The following TTC33 variants were observed in gnomAD, a reference collection of about 807,000 sequenced individuals.
The protein encoded by TTC33 is tetratricopeptide repeat protein 33.
A neutral mutation model predicts 29.4 loss-of-function variants in TTC33; 24 were observed. That is an observed-to-expected ratio of 0.82 (90% CI 0.59 to 1.15). The LOEUF (loss-of-function observed/expected upper bound fraction) is 1.15. Among genes scored for constraint, TTC33 ranks in the 50% most tolerant of loss-of-function variants. TTC33 has a pLI of 0.00. For missense variants in TTC33, 286 were observed against 310.4 expected (o/e 0.92, Z 0.59); for synonymous variants, 107 against 100.3 (o/e 1.07, Z -0.40).
chr5:40,716,510 G>T lies in TTC33; in HGVS notation c.436-12C>A. The T allele has an allele frequency of 6.4e-7, 1 of 1,557,668 alleles. No individual in the cohort carries two copies. ...AAACTTCGAATTGCCTAGAAAATAA[G>T]GTCAGAGTTTTTTGTTTTGGTTTTA... On this transcript the variant is annotated splice_polypyrimidine_tract_variant and intron_variant, in intron 4 of 4. Transcript: ENST00000337702.
At chr5:40,755,290 A>G (rs929570837) in intron 1 of TTC33, among the ~76,000 whole-genome samples, 2 of 152,232 alleles carry the variant, frequency 1.3e-5, no homozygotes, top group Non-Finnish European at 2.9e-5. Context: ...AAATCACAAC[A>G]GCATCCTTCT....
rs988658150 is a variant in TTC33 at position 40,724,940 on chromosome 5, C to T, written c.435+3405G>A. ...CGATCTCAGCTCACTGCAACCTCCA[C>T]CTGCCAGGTTCAAGATATTCTCCTG... is the stretch of plus-strand genomic sequence containing the variant. On this transcript the variant is annotated intron_variant, in intron 4 of 4. Coordinates refer to ENST00000337702, the MANE Select transcript of TTC33 (RefSeq NM_012382.3). Among the ~76,000 whole-genome samples, 2 of 151,302 alleles carry T rather than the reference C, an allele frequency of 1.3e-5. 1 individual carries two copies.
chr5:40,738,819 T>C (rs534994199), intron 2 of TTC33, among the ~76,000 whole-genome samples: 3 of 152,278 alleles, frequency 2.0e-5, no homozygotes, highest in South Asian at 4.1e-4. Context: ...CAGCTTTTTT[T>C]ATGCTTCTTG....
chr5:40,742,260 C>T (rs1426185955), intron 2 of TTC33, among the ~76,000 whole-genome samples: 1 of 151,934 alleles, frequency 6.6e-6, no homozygotes, highest in Non-Finnish European at 1.5e-5. Flanking sequence ...CCCCATGAGG[C>T]AATTGCAAGT....
chr5:40,730,125 G>GT, intron 3 of TTC33, 137 bp downstream of exon 3: 1 of 627,536 alleles, frequency 1.6e-6, no homozygotes, highest in South Asian at 2.3e-5. Flanking sequence ...ATAAATAATG[G>GT]TGAAATATTT....
intron 2 of TTC33, among the ~76,000 whole-genome samples, chr5:40,736,895 T>C (rs1305949991): frequency 6.6e-6 from 1 of 152,196 alleles, no homozygotes; most frequent in Non-Finnish European, 1.5e-5. Context: ...ATACTCACTA[T>C]ACCATCTCTA....
At chr5:40,728,281 C>CA (rs70988805) in intron 4 of TTC33, 64 bp downstream of exon 4, 473 of 317,806 alleles carry the variant, frequency 1.5e-3, no homozygotes, top group African/African-American at 0.014. Flanking sequence ...GACTCCATCT[C>CA]AAAAAAAAAA....
intron 4 of TTC33, among the ~76,000 whole-genome samples, chr5:40,722,673 C>T (rs6869273): frequency 0.015 from 2,321 of 152,050 alleles, 65 homozygotes; most frequent in African/African-American, 0.053. Flanking sequence ...CGCCCCACAG[C>T]CGCCCAGTCT....
At chr5:40,740,040 G>A (rs149848408) in intron 2 of TTC33, among the ~76,000 whole-genome samples, 2 of 151,878 alleles carry the variant, frequency 1.3e-5, no homozygotes, top group Non-Finnish European at 2.9e-5. Flanking sequence ...TAGGGTCTAG[G>A]TTTGAATACA....
Position 40,716,220 on chromosome 5 carries a change from C to A in TTC33, c.714G>T (p.Gly238=), listed in dbSNP as rs748208470. ...NKTMVIVSAS[G]AIETVTEKED... is the part of the protein sequence containing the mutation. ...CCTTTTCAGTTACAGTCTCTATGGC[C>A]CCAGAAGCAGACACAATAACCATTG... The change falls in exon 5 of 5, where the codon GGG becomes GGT. Residue 238 remains glycine (G), a synonymous_variant. Transcript: ENST00000337702. 6.2e-7 allele frequency: 1 copy of A among 1,614,162 alleles called. No homozygotes were observed. The highest frequency in any genetic ancestry group is 8.5e-7 in the Non-Finnish European group (1 of 1,180,016).
chr5:40,746,739 G>C lies in TTC33; in HGVS notation c.221+59C>G, dbSNP rs894901442. The C allele has an allele frequency of 3.2e-6, 4 of 1,261,696 alleles. No individual in the cohort carries two copies. The African/African-American group carries it at 4.5e-5, about 14-fold the overall frequency. The allele number at this position is 1,261,696 out of a possible 1,614,324, so 78.2% of individuals were successfully genotyped here. A position where few individuals can be genotyped will look rare whatever the true frequency, so the allele number is the denominator to read the frequency against. ...AATTCATAACTCTTCATCCCATTACGGACAGTGAGCTAGAAAATGTAAGCT... is the reference window on the plus strand; with the variant it reads ...AATTCATAACTCTTCATCCCATTACCGACAGTGAGCTAGAAAATGTAAGCT... On this transcript the variant is annotated intron_variant, in intron 2 of 4. Transcript: ENST00000337702.
In TTC33 at chr5:40,724,111, T is replaced by C. The variant is rs149621438; in HGVS notation, c.435+4234A>G. Among the ~76,000 whole-genome samples, 8 of 152,294 alleles carry C rather than the reference T, an allele frequency of 5.3e-5. No individual in the cohort carries two copies. The East Asian group carries it at 7.7e-4, about 15-fold the overall frequency. ...GCAGCACTATTCACGATAGCCAATA[T>C]GTAGAAACAACCTAAATGTCCATCA... On this transcript the variant is annotated intron_variant, in intron 4 of 4. Coordinates refer to ENST00000337702, the MANE Select transcript of TTC33 (RefSeq NM_012382.3).
Position 40,728,370 on chromosome 5 carries a change from T to G in TTC33, c.410A>C (p.Gln137Pro). 2 of 1,611,794 alleles carry G rather than the reference T, an allele frequency of 1.2e-6. No individual in the cohort carries two copies. Among genetic ancestry groups the G allele is most frequent in the African/African-American group, 2.7e-5 (2 of 74,780 alleles). ...CAGGATTATCTCTCCTAAACCAAGT[T>G]GAGCACGTCCCAAAGTCTGCCAAGA... ...WESWQTLGRA[Q>P]LGLGEIILAI... is the part of the protein sequence containing the mutation. Residue 137 changes from glutamine to proline, a missense_variant, in exon 4 of 5, where the codon CAA becomes CCA. Coordinates refer to ENST00000337702, the MANE Select transcript of TTC33 (RefSeq NM_012382.3).
intron 2 of TTC33, among the ~76,000 whole-genome samples, chr5:40,739,367 C>T (rs1742644773): frequency 6.6e-6 from 1 of 152,150 alleles, no homozygotes; most frequent in African/African-American, 2.4e-5. Context: ...TAACAAAATA[C>T]TATCTTCCAA....
rs1294618286 is a variant in TTC33, at chr5:40,716,337, C to T, written c.597G>A (p.Lys199=). 1.9e-6 allele frequency: 3 copies of T among 1,614,180 alleles called. No individual in the cohort carries two copies. The South Asian group carries it at 3.3e-5, about 18-fold the overall frequency. Residue 199 remains lysine (K), a synonymous_variant, in exon 5 of 5, where the codon AAG becomes AAA. Coordinates refer to ENST00000337702, the MANE Select transcript of TTC33 (RefSeq NM_012382.3). ...TTTCAAAGTCATAGTCTGGAATTGACTTTGGTGAAAAGTGTGTTACTTCAG... is the reference window on the plus strand; with the variant it reads ...TTTCAAAGTCATAGTCTGGAATTGATTTTGGTGAAAAGTGTGTTACTTCAG... ...APAEVTHFSP[K]SIPDYDFESD... is the part of the protein sequence containing the mutation.
At chr5:40,754,474 A>G (rs375021874) in intron 1 of TTC33, among the ~76,000 whole-genome samples, 16 of 152,192 alleles carry the variant, frequency 1.1e-4, no homozygotes, top group African/African-American at 3.4e-4. Context: ...AACAGATCTG[A>G]GTTCTTGAGA....
chr5:40,746,846 T>G lies in TTC33; in HGVS notation c.173A>C (p.Lys58Thr). 2 of 1,614,168 alleles carry G rather than the reference T, an allele frequency of 1.2e-6. No individual in the cohort carries two copies. The change falls in exon 2 of 5, where the codon AAA becomes ACA. Residue 58 changes from lysine (K) to threonine (T), a missense_variant. Lys to Thr is a moderately conservative substitution (Grantham distance 78). Transcript: ENST00000337702. ...TCCTTCATCCTTCAGCTGTTTACTTTTCTCAGCACAGCCTTCAAGAAGAAT... is the reference window on the plus strand; with the variant it reads ...TCCTTCATCCTTCAGCTGTTTACTTGTCTCAGCACAGCCTTCAAGAAGAAT... ...KEILLEGCAE[K>T]SKQLKDEGAS... is the part of the protein sequence containing the mutation.
At chr5:40,742,221 T>C (rs914000966) in intron 2 of TTC33, among the ~76,000 whole-genome samples, 10 of 152,166 alleles carry the variant, frequency 6.6e-5, no homozygotes, top group African/African-American at 2.4e-4. Flanking sequence ...TATTTTTGTA[T>C]CCGTTATTGG....
chr5:40,725,784 C>CTTTT (rs35070396), intron 4 of TTC33, among the ~76,000 whole-genome samples: 6 of 126,060 alleles, frequency 4.8e-5, no homozygotes, highest in South Asian at 2.5e-4. Flanking sequence ...TTCTCTTCAG[C>CTTTT]TTTTTTTTTT....
Sources: allele counts gnomAD v4.1 joint callset (sites outside exome capture counted in the v4.1 genomes callset), GRCh38; gene constraint gnomAD v4.1.1; transcripts MANE v1.5; gene names NCBI Gene and HGNC (gene_info 2026-07-23, HGNC 2026-07-21).